PCDHGB1: variants seen among roughly 807,000 people sequenced by gnomAD.
The protein encoded by PCDHGB1 is protocadherin gamma-B1.
In PCDHGB1, 34 loss-of-function variants were observed where a neutral mutation model predicts 56.6. That is an observed-to-expected ratio of 0.60 (90% CI 0.46 to 0.80). The LOEUF is 0.80. PCDHGB1 is among the 30% of genes least tolerant of loss of function. The pLI is 0.00. For synonymous variants in PCDHGB1, 561 were observed against 505.9 expected (o/e 1.11, Z -1.46); for missense variants, 1,278 against 1,204.6 (o/e 1.06, Z -0.90).
At chr5:141,357,161 T>C in intron 1 of PCDHGB1, 1 of 1,613,630 alleles carries the variant, frequency 6.2e-7, no homozygotes, top group East Asian at 2.2e-5. Context: ...CAGCCCCCTC[T>C]CTCGGCCACC....
chr5:141,371,979 G>T (rs1216406946), intron 1 of PCDHGB1: 1 of 1,613,118 alleles, frequency 6.2e-7, no homozygotes, highest in Non-Finnish European at 8.5e-7. Flanking sequence ...GCGTGCCTTC[G>T]AGCTCACTCT....
intron 1 of PCDHGB1, chr5:141,374,379 G>A (rs1163047741): frequency 6.2e-7 from 1 of 1,614,042 alleles, no homozygotes; most frequent in Non-Finnish European, 8.5e-7. Flanking sequence ...TGTGCTCAGA[G>A]CCCGCGGTGT....
At chr5:141,388,290 A>T (rs1299323228) in intron 1 of PCDHGB1, 1 of 1,613,388 alleles carries the variant, frequency 6.2e-7, no homozygotes, top group Non-Finnish European at 8.5e-7. Flanking sequence ...ATTCACGCAA[A>T]ATTCCTTTGA....
Position 141,422,132 on chromosome 5 carries a change from T to C in PCDHGB1, c.2409+69463T>C, listed in dbSNP as rs768931697. ...CAATTGGATTCACAAACTGGAGAAG[T>C]TCAAGTACGGGGGTCTCTGGATTTT... On this transcript the variant is annotated intron_variant, in intron 1 of 3. Coordinates refer to ENST00000523390, the MANE Select transcript of PCDHGB1 (RefSeq NM_018922.3). The C allele has an allele frequency of 1.2e-5, 19 of 1,598,396 alleles. No individual in the cohort carries two copies. In the South Asian group the frequency reaches 2.0e-4, roughly 17 times the overall value.
intron 1 of PCDHGB1, chr5:141,382,816 TA>T: frequency 1.6e-6 from 2 of 1,275,446 alleles, no homozygotes; most frequent in Non-Finnish European, 2.2e-6. Flanking sequence ...CTCCCCTTCC[TA>T]AGACAGAGGG....
chr5:141,394,083 G>T, intron 1 of PCDHGB1: 1 of 1,613,826 alleles, frequency 6.2e-7, no homozygotes, highest in Non-Finnish European at 8.5e-7. Flanking sequence ...CACAGTGATG[G>T]CCTCAGATCT....
chr5:141,497,473 AGGT>A (rs2099776769), intron 2 of PCDHGB1, among the ~76,000 whole-genome samples: 1 of 151,750 alleles, frequency 6.6e-6, no homozygotes. Flanking sequence ...ATGGAGGAGA[AGGT>A]GCGGAACCTC....
At chr5:141,482,033 C>G (rs1185284483) in intron 1 of PCDHGB1, among the ~76,000 whole-genome samples, 1 of 149,194 alleles carries the variant, frequency 6.7e-6, no homozygotes, top group African/African-American at 2.5e-5. Flanking sequence ...TGCAGTGAGC[C>G]AAGATCATGC....
At chr5:141,414,945 C>G in intron 1 of PCDHGB1, 2 of 1,614,098 alleles carry the variant, frequency 1.2e-6, no homozygotes, top group Non-Finnish European at 8.5e-7. Flanking sequence ...AGCCCGGCTA[C>G]CTGGTGACCA....
chr5:141,401,096 C>A (rs1193628525), intron 1 of PCDHGB1, among the ~76,000 whole-genome samples: 1 of 152,160 alleles, frequency 6.6e-6, no homozygotes, highest in Non-Finnish European at 1.5e-5. Context: ...GTAATCCCAG[C>A]ACTTTGGGAG....
intron 1 of PCDHGB1, among the ~76,000 whole-genome samples, chr5:141,447,677 A>G (rs748479750): frequency 6.6e-6 from 1 of 152,184 alleles, no homozygotes; most frequent in Non-Finnish European, 1.5e-5. Context: ...GAACTGTTCC[A>G]TATCTTGATA....
chr5:141,375,629 G>A (rs567513392), intron 1 of PCDHGB1: 3 of 1,614,192 alleles, frequency 1.9e-6, no homozygotes, highest in Admixed American at 1.7e-5. Flanking sequence ...GATTCTGTAC[G>A]CCCTGCGCTC....
intron 1 of PCDHGB1, chr5:141,408,246 A>C: frequency 6.3e-7 from 1 of 1,590,754 alleles, no homozygotes; most frequent in Non-Finnish European, 8.6e-7. Flanking sequence ...GGCCCGCGGC[A>C]GGTGCTATTT....
intron 1 of PCDHGB1, chr5:141,428,086 G>C: frequency 1.9e-6 from 3 of 1,609,122 alleles, no homozygotes; most frequent in Non-Finnish European, 1.7e-6. Context: ...CACAACGCTT[G>C]GCTGTCCTAC....
At chr5:141,423,631 T>G (rs1452661307) in intron 1 of PCDHGB1, 2 of 1,603,990 alleles carry the variant, frequency 1.2e-6, no homozygotes, top group African/African-American at 2.7e-5. Flanking sequence ...AGCTATCATT[T>G]TAGGCAAATG....
Position 141,384,181 on chromosome 5 carries a change from G to A in PCDHGB1, c.2409+31512G>A, listed in dbSNP as rs765782736. ...CATCACACTGAAAGCCACAGATGGTGGAACTCCTCCCTTGTCCAGGGAAAC... is the reference window on the plus strand; with the variant it reads ...CATCACACTGAAAGCCACAGATGGTAGAACTCCTCCCTTGTCCAGGGAAAC... On this transcript the variant is annotated intron_variant, in intron 1 of 3. Coordinates refer to ENST00000523390, the MANE Select transcript of PCDHGB1 (RefSeq NM_018922.3). 18 of 1,613,702 alleles carry A rather than the reference G, an allele frequency of 1.1e-5. No homozygotes were observed. Among genetic ancestry groups the A allele is most frequent in the Non-Finnish European group, 1.4e-5 (16 of 1,179,868 alleles).
intron 1 of PCDHGB1, chr5:141,410,783 T>C (rs2095423369): frequency 1.1e-6 from 1 of 919,042 alleles, no homozygotes; most frequent in East Asian, 2.7e-5. Flanking sequence ...ACTATGTATT[T>C]GGTTCATAAG....
intron 2 of PCDHGB1, among the ~76,000 whole-genome samples, chr5:141,501,700 C>T (rs936448354): frequency 6.6e-6 from 1 of 151,950 alleles, no homozygotes; most frequent in African/African-American, 2.4e-5. Flanking sequence ...AGGGTGATTC[C>T]GAGGATAAAA....
intron 1 of PCDHGB1, chr5:141,415,006 C>A (rs1353721901): frequency 6.2e-7 from 1 of 1,613,652 alleles, no homozygotes; most frequent in Non-Finnish European, 8.5e-7. Context: ...GCTGTCCTAC[C>A]GTCTGCTCAA....
Sources: allele counts gnomAD v4.1 joint callset (sites outside exome capture counted in the v4.1 genomes callset), GRCh38; gene constraint gnomAD v4.1.1; transcripts MANE v1.5; gene names NCBI Gene and HGNC (gene_info 2026-07-23, HGNC 2026-07-21).